The following FUT8 variants were observed in gnomAD, a reference collection of about 807,000 sequenced individuals.
The protein encoded by FUT8 is fucosyltransferase 8.
A neutral mutation model predicts 71.3 loss-of-function variants in FUT8; 29 were observed. That is an observed-to-expected ratio of 0.41 (90% confidence interval 0.30 to 0.55). FUT8 has a LOEUF of 0.55. Ranked by LOEUF, FUT8 falls within the 20% of genes least tolerant of loss-of-function variation. The pLI, the probability that FUT8 is intolerant of heterozygous loss-of-function variation, is 0.34. For synonymous variants in FUT8, 254 were observed against 239.3 expected, an observed-to-expected ratio of 1.06 and a Z score of -0.57; for missense variants, 544 against 702.1, an observed-to-expected ratio of 0.77 and a Z score of 2.55.
At chr14:65,507,667 G>A (rs1331736955) in intron 2 of FUT8, among the ~76,000 whole-genome samples, 1 of 152,138 alleles carries the variant, frequency 6.6e-6, no homozygotes, top group Admixed American at 6.5e-5. Flanking sequence ...ACTCCACTGT[G>A]TATATGTACC....
Position 65,483,585 on chromosome 14 carries a change from A to G in FUT8, c.-228+27867A>G, listed in dbSNP as rs191744072. The stretch of plus-strand genomic sequence containing the variant: ...TCTGACTCATGAATAAAATGTCTCC[A>G]TTTATTTGGATGTTTAATTTCTTTC... On this transcript the variant is annotated intron_variant, in intron 2 of 10. Coordinates refer to ENST00000673929, the MANE Select transcript of FUT8 (RefSeq NM_001371533.1). The surrounding 1 kb of genome is among the most constrained non-coding windows in gnomAD (Gnocchi z 4.4). 4.0e-4 allele frequency among the ~76,000 whole-genome samples: 61 copies of G among 152,222 alleles called. No homozygotes were observed. The highest frequency in any genetic ancestry group is 1.4e-3 in the African/African-American group (60 of 41,538).
intron 6 of FUT8, among the ~76,000 whole-genome samples, chr14:65,644,218 C>A (rs372780466): frequency 6.6e-6 from 1 of 152,094 alleles, no homozygotes; most frequent in Non-Finnish European, 1.5e-5. Context: ...TATTCAACTT[C>A]TGGTGCTGTC....
chr14:65,610,792 T>G (rs1888847076), intron 3 of FUT8, among the ~76,000 whole-genome samples: 1 of 151,908 alleles, frequency 6.6e-6, no homozygotes, highest in Non-Finnish European at 1.5e-5. Context: ...TAAAAAAAAT[T>G]TTGTCTATAG....
intron 7 of FUT8, 147 bp from the exon 8 acceptor site, chr14:65,721,628 G>A: frequency 1.2e-6 from 1 of 823,214 alleles, no homozygotes; most frequent in Non-Finnish European, 2.0e-6. Context: ...GGTATTTCGA[G>A]CAAGTTATTT....
chr14:65,581,329 A>C (rs1177153056), intron 3 of FUT8, among the ~76,000 whole-genome samples: 1 of 152,094 alleles, frequency 6.6e-6, no homozygotes, highest in Non-Finnish European at 1.5e-5. Context: ...CAGAATAAGA[A>C]GACTAACAAT....
intron 9 of FUT8, among the ~76,000 whole-genome samples, chr14:65,727,889 G>A (rs969531143): frequency 6.6e-5 from 10 of 152,054 alleles, no homozygotes; most frequent in Admixed American, 2.0e-4. Context: ...AATTTCTTCC[G>A]CCAGATACCC....
Position 65,431,528 on chromosome 14 carries a change from G to A in FUT8, c.-326+18314G>A, listed in dbSNP as rs191494507. 5.3e-5 allele frequency among the ~76,000 whole-genome samples: 8 copies of A among 151,934 alleles called. No individual in the cohort carries two copies. The East Asian group carries it at 1.4e-3, about 26-fold the overall frequency. On this transcript the variant is annotated intron_variant, in intron 1 of 10. Coordinates refer to ENST00000673929, the MANE Select transcript of FUT8 (RefSeq NM_001371533.1). ...GGGTTTTGCCACATTGCCTGGGCTG[G>A]TCTTGAACACCTGGCCTCAAGTGAT...
At chr14:65,395,171 C>A in the FUT8 span, among the ~76,000 whole-genome samples, 2 of 152,246 alleles carry the variant, frequency 1.3e-5, no homozygotes, top group African/African-American at 4.8e-5. Context: ...ATGGTACAGC[C>A]TCCCTCCTAG....
At chr14:65,728,431 TG>T (rs1434879901) in intron 9 of FUT8, among the ~76,000 whole-genome samples, 1 of 152,224 alleles carries the variant, frequency 6.6e-6, no homozygotes, top group Non-Finnish European at 1.5e-5. Flanking sequence ...GGGAAACTCC[TG>T]TTTTTAAAAC....
intron 5 of FUT8, among the ~76,000 whole-genome samples, chr14:65,617,954 T>A (rs1253186338): frequency 1.3e-5 from 2 of 148,326 alleles, no homozygotes; most frequent in Non-Finnish European, 3.0e-5. Flanking sequence ...AAAAAAAAGA[T>A]TTGAGTAATC....
At chr14:65,692,622 C>G (rs565991470) in intron 7 of FUT8, among the ~76,000 whole-genome samples, 1 of 151,512 alleles carries the variant, frequency 6.6e-6, no homozygotes, top group African/African-American at 2.4e-5. Context: ...CCCCACCCCC[C>G]TCCCAGACGG....
chr14:65,534,549 CTTTTTTTTT>C, intron 2 of FUT8, among the ~76,000 whole-genome samples: 1 of 122,246 alleles, frequency 8.2e-6, no homozygotes, highest in South Asian at 2.7e-4. Flanking sequence ...GGCTGTTTTT[CTTTTTTTTT>C]TTTTTTTGGT....
At chr14:65,727,692 A>G (rs1895756077) in intron 9 of FUT8, among the ~76,000 whole-genome samples, 1 of 152,028 alleles carries the variant, frequency 6.6e-6, no homozygotes. Flanking sequence ...GGTGATTAAC[A>G]CTCGGCTCCT....
At position 65,550,854 on chromosome 14, in the gene FUT8, A is replaced by G. The variant is rs1052776748; in HGVS notation, c.-227-10483A>G. ...TTTTTGGCAAAGTAATTAATACTTT[A>G]TTCAACTGTACTTCTGTTGATGGGC... On this transcript the variant is annotated intron_variant, in intron 2 of 10. Coordinates refer to ENST00000673929, the MANE Select transcript of FUT8 (RefSeq NM_001371533.1). The surrounding 1 kb of genome is among the most constrained non-coding windows in gnomAD (Gnocchi z 4.5). Among the ~76,000 whole-genome samples the G allele has an allele frequency of 2.6e-5, 4 of 152,214 alleles. No individual in the cohort carries two copies. The highest frequency in any genetic ancestry group is 9.6e-5 in the African/African-American group (4 of 41,462).
At chr14:65,628,182 C>T (rs975075986) in intron 5 of FUT8, among the ~76,000 whole-genome samples, 2 of 152,026 alleles carry the variant, frequency 1.3e-5, no homozygotes, top group African/African-American at 4.8e-5. Context: ...TAGGAATATA[C>T]CTGGCAGTGT....
At chr14:65,597,068 C>T (rs928472466) in intron 3 of FUT8, among the ~76,000 whole-genome samples, 6 of 151,918 alleles carry the variant, frequency 3.9e-5, no homozygotes, top group African/African-American at 1.5e-4. Context: ...ACATTTAGTC[C>T]TCAAAATAAG....
chr14:65,622,904 T>C (rs1001690132), intron 5 of FUT8, among the ~76,000 whole-genome samples: 2 of 127,778 alleles, frequency 1.6e-5, no homozygotes, highest in African/African-American at 6.0e-5. Context: ...TAGGGGGAGC[T>C]TCTCTGTTTT....
intron 1 of FUT8, among the ~76,000 whole-genome samples, chr14:65,428,561 A>G (rs1056399728): frequency 3.3e-5 from 5 of 152,194 alleles, no homozygotes; most frequent in Admixed American, 1.3e-4. Flanking sequence ...ATAGCACCCC[A>G]AACGGACTAA....
intron 3 of FUT8, among the ~76,000 whole-genome samples, chr14:65,588,224 TA>T (rs1887495243): frequency 6.6e-6 from 1 of 152,172 alleles, no homozygotes; most frequent in Non-Finnish European, 1.5e-5. Flanking sequence ...CCATATAAAA[TA>T]AGTTCATTTT....
Sources: allele counts gnomAD v4.1 joint callset (sites outside exome capture counted in the v4.1 genomes callset), GRCh38; gene constraint gnomAD v4.1.1; non-coding constraint Gnocchi (gnomAD v3.1); transcripts MANE v1.5; gene names NCBI Gene and HGNC (gene_info 2026-07-23, HGNC 2026-07-21).